PPP1R12B: variants seen among roughly 807,000 people sequenced by gnomAD.
PPP1R12B encodes the protein protein phosphatase 1 regulatory subunit 12B.
In PPP1R12B, 76 loss-of-function variants were observed where a neutral mutation model predicts 126.1. The observed-to-expected ratio is 0.60, with a 90% CI of 0.50 to 0.73. The LOEUF is 0.73. Ranked by LOEUF, PPP1R12B falls within the 30% of genes least tolerant of loss-of-function variation. The pLI, the probability that PPP1R12B is intolerant of heterozygous loss-of-function variation, is 0.00. For synonymous variants in PPP1R12B, 356 were observed against 434.7 expected (o/e 0.82, Z 2.25); for missense variants, 1,052 against 1,205.1 (o/e 0.87, Z 1.88).
At chr1:202,540,266 A>G (rs755016986) in intron 18 of PPP1R12B, 2 of 1,523,322 alleles carry the variant, frequency 1.3e-6, no homozygotes, top group Non-Finnish European at 1.8e-6. Flanking sequence ...TTATTTACGT[A>G]TGTTCATAGC....
Position 202,565,971 on chromosome 1 carries a change from G to A in PPP1R12B, c.2757+1424G>A, listed in dbSNP as rs1459932704. On this transcript the variant is annotated intron_variant, in intron 21 of 23. Transcript: ENST00000608999. This position sits in a 1 kb window ranked among gnomAD's most constrained non-coding sequence, Gnocchi z 4.3. ...GGGGCTAATTTTTATTCTGAATGGC[G>A]CCACATATTGGCAGTGGTTTATAAA... Among the ~76,000 whole-genome samples, 5 of 151,824 alleles carry A rather than the reference G, an allele frequency of 3.3e-5. No homozygotes were observed. The highest frequency in any genetic ancestry group is 6.6e-5 in the Admixed American group (1 of 15,262).
intron 13 of PPP1R12B, among the ~76,000 whole-genome samples, chr1:202,469,086 A>G (rs2148783624): frequency 6.6e-6 from 1 of 152,342 alleles, no homozygotes; most frequent in Non-Finnish European, 1.5e-5. Context: ...AATAGCTCAG[A>G]TTCTGAATTT....
intron 1 of PPP1R12B, among the ~76,000 whole-genome samples, chr1:202,388,930 AATAG>A (rs773414440): frequency 3.9e-5 from 6 of 152,230 alleles, no homozygotes; most frequent in African/African-American, 1.2e-4. Context: ...TTGATAGAGG[AATAG>A]ATAAACAGAT....
intron 13 of PPP1R12B, among the ~76,000 whole-genome samples, chr1:202,480,795 G>A (rs1406041964): frequency 6.6e-6 from 1 of 152,192 alleles, no homozygotes; most frequent in African/African-American, 2.4e-5. Context: ...AATGACTAAT[G>A]AAGATATGTT....
rs568589822 is a variant in PPP1R12B at position 202,481,542 on chromosome 1, T to TA, written c.1851-6982dup. ...GTTTTGGAAGATATAGTTTTTTTAA[T>TA]AAAAAAAAATTGATGTTAAAATGTA... On this transcript the variant is annotated intron_variant, in intron 13 of 23. Coordinates refer to ENST00000608999, the MANE Select transcript of PPP1R12B (RefSeq NM_002481.4). Among the ~76,000 whole-genome samples the TA allele has an allele frequency of 3.0e-4, 35 of 117,750 alleles. No homozygotes were observed. In the East Asian group the frequency reaches 0.012, roughly 40 times the overall value. The allele number at this position is 117,750 out of a possible 152,430, so 77.2% of individuals were successfully genotyped here. A position where few individuals can be genotyped will look rare whatever the true frequency, so the allele number is the denominator to read the frequency against.
At chr1:202,477,762 G>A (rs1676852355) in intron 13 of PPP1R12B, among the ~76,000 whole-genome samples, 1 of 152,136 alleles carries the variant, frequency 6.6e-6, no homozygotes, top group Non-Finnish European at 1.5e-5. Flanking sequence ...AGTACAAAGT[G>A]TATCTTTGAA....
chr1:202,488,529 G>T lies in PPP1R12B; in HGVS notation c.1851-4G>T, dbSNP rs1678444250. The stretch of plus-strand genomic sequence containing the variant: ...CTTTTGCTATTACTTTTTTTTCTCT[G>T]CAGGTCCTATCTGACTCCTGTACGG... On this transcript the variant is annotated splice_region_variant and splice_polypyrimidine_tract_variant and intron_variant, in intron 13 of 23. Coordinates refer to ENST00000608999, the MANE Select transcript of PPP1R12B (RefSeq NM_002481.4). The T allele has an allele frequency of 1.9e-6, 3 of 1,598,192 alleles. No homozygotes were observed. The highest frequency in any genetic ancestry group is 2.7e-5 in the African/African-American group (2 of 74,314).
Position 202,590,036 on chromosome 1 carries a change from C to T in PPP1R12B, c.*9476C>T, listed in dbSNP as rs962665831. On this transcript the variant is annotated 3_prime_UTR_variant, in exon 24 of 24. Transcript: ENST00000608999. ...GGTCTTTGGGGGCAATGCTGTCCCA[C>T]TCTCCCTTTCCCTAAAAATTCTGAC... 2 of 152,204 alleles carry T rather than the reference C, an allele frequency of 1.3e-5. No individual in the cohort carries two copies. The highest frequency in any genetic ancestry group is 4.8e-5 in the African/African-American group (2 of 41,446). The allele number at this position is 152,204 out of a possible 1,614,324, so 9.4% of individuals were successfully genotyped here. A position where few individuals can be genotyped will look rare whatever the true frequency, so the allele number is the denominator to read the frequency against.
At chr1:202,394,264 CACT>C (rs1664584353) in intron 1 of PPP1R12B, among the ~76,000 whole-genome samples, 1 of 151,666 alleles carries the variant, frequency 6.6e-6, no homozygotes, top group African/African-American at 2.4e-5. Context: ...GAGATCATAC[CACT>C]GCGCTCCAGT....
At chr1:202,464,383 C>T (rs4113263) in intron 13 of PPP1R12B, among the ~76,000 whole-genome samples, 65,946 of 151,980 alleles carry the variant, frequency 0.43, 15,687 homozygotes, top group East Asian at 0.71. Flanking sequence ...AGCAGAAGAA[C>T]GTCTATTGAT....
rs1049545824 is a variant in PPP1R12B, at chr1:202,563,638, A to G, written c.2652+716A>G. Among the ~76,000 whole-genome samples the G allele has an allele frequency of 3.3e-4, 50 of 152,008 alleles. 1 individual carries two copies. Among genetic ancestry groups the G allele is most frequent in the Non-Finnish European group, 5.3e-4 (36 of 67,940 alleles). On this transcript the variant is annotated intron_variant, in intron 20 of 23. Transcript: ENST00000608999. ...TACTTGGTGTTAGTAAAAAAAAAAA[A>G]AAAAAAGAAAAGAAAATCATCATCA... is the stretch of plus-strand genomic sequence containing the variant.
intron 13 of PPP1R12B, among the ~76,000 whole-genome samples, chr1:202,487,906 C>G (rs535892813): frequency 6.6e-6 from 1 of 152,286 alleles, no homozygotes; most frequent in African/African-American, 2.4e-5. Context: ...CCACACAATA[C>G]CTTTCAAGAC....
intron 13 of PPP1R12B, among the ~76,000 whole-genome samples, chr1:202,468,783 G>T (rs193283678): frequency 6.6e-6 from 1 of 152,148 alleles, no homozygotes; most frequent in East Asian, 1.9e-4. Flanking sequence ...GTGAAATCCT[G>T]TCTCTACTAA....
At position 202,425,582 on chromosome 1, in the gene PPP1R12B, G is replaced by A. The variant is rs1189154926; in HGVS notation, c.558G>A (p.Gln186=). Residue 186 remains glutamine, a synonymous_variant, in exon 4 of 24, where the codon CAG becomes CAA. Coordinates refer to ENST00000608999, the MANE Select transcript of PPP1R12B (RefSeq NM_002481.4). ...TTTCTGTAGGAGTTGATCTAGAGCA[G>A]TCAAGAAAAGAAGAAGAGCAGCAGA... ...QVKKQGVDLE[Q]SRKEEEQQML... 6.2e-7 allele frequency: 1 copy of A among 1,613,856 alleles called. No homozygotes were observed. Among genetic ancestry groups the A allele is most frequent in the Non-Finnish European group, 8.5e-7 (1 of 1,179,866 alleles).
At chr1:202,356,980 A>G (rs953484502) in intron 1 of PPP1R12B, among the ~76,000 whole-genome samples, 7 of 151,548 alleles carry the variant, frequency 4.6e-5, no homozygotes, top group African/African-American at 1.7e-4. Context: ...CACCACCACA[A>G]CCAGCTAATT....
At chr1:202,560,098 G>A (rs1010257582) in intron 19 of PPP1R12B, among the ~76,000 whole-genome samples, 5 of 152,092 alleles carry the variant, frequency 3.3e-5, no homozygotes, top group Non-Finnish European at 5.9e-5. Flanking sequence ...ATCTGTTTGA[G>A]CAATTATATC....
intron 1 of PPP1R12B, among the ~76,000 whole-genome samples, chr1:202,361,214 T>C (rs1284256330): frequency 3.9e-5 from 6 of 152,178 alleles, no homozygotes; most frequent in Admixed American, 3.9e-4. Flanking sequence ...TTAACTGAAG[T>C]TCCCTATATT....
At position 202,583,344 on chromosome 1, in the gene PPP1R12B, G is replaced by T. The variant is rs530504218; in HGVS notation, c.*2784G>T. 3.6e-4 allele frequency: 55 copies of T among 152,258 alleles called. No homozygotes were observed. In the South Asian group the frequency reaches 7.1e-3, roughly 20 times the overall value. The allele number at this position is 152,258 out of a possible 1,614,324, so 9.4% of individuals were successfully genotyped here. A position where few individuals can be genotyped will look rare whatever the true frequency, so the allele number is the denominator to read the frequency against. ...GGCAGATTCTCAAAACTCTTAGATTGGTGTTGCATCCCTGCCACTTCACAT... is the reference window on the plus strand; with the variant it reads ...GGCAGATTCTCAAAACTCTTAGATTTGTGTTGCATCCCTGCCACTTCACAT... On this transcript the variant is annotated 3_prime_UTR_variant, in exon 24 of 24. Transcript: ENST00000608999.
At chr1:202,438,300 A>C (rs1362027031) in intron 10 of PPP1R12B, 2 of 1,501,830 alleles carry the variant, frequency 1.3e-6, no homozygotes. Context: ...CAAAAAATGG[A>C]TCAGCAACAT....
Sources: allele counts gnomAD v4.1 joint callset (sites outside exome capture counted in the v4.1 genomes callset), GRCh38; gene constraint gnomAD v4.1.1; non-coding constraint Gnocchi (gnomAD v3.1); transcripts MANE v1.5; gene names NCBI Gene and HGNC (gene_info 2026-07-23, HGNC 2026-07-21).